Variants in CNOT3 observed in about 807,000 individuals in gnomAD.
CNOT3 encodes the protein CCR4-associated factor 3.
A neutral mutation model predicts 89.4 loss-of-function variants in CNOT3; 2 were observed. That is an observed-to-expected ratio of 0.02 (90% CI 0.01 to 0.07). The LOEUF (loss-of-function observed/expected upper bound fraction) is 0.07. Among genes scored for constraint, CNOT3 ranks in the 10% least tolerant of loss-of-function variants. The probability of loss-of-function intolerance (pLI) is 1.00; values close to 1 mark genes in which losing one functional copy is unlikely to be tolerated. For missense variants in CNOT3, 664 were observed against 1,010.2 expected, an observed-to-expected ratio of 0.66 and a Z score of 4.65; for synonymous variants, 486 against 402.0, an observed-to-expected ratio of 1.21 and a Z score of -2.50.
rs2074562039 is a variant in CNOT3 at position 54,144,134 on chromosome 19, G to A, written c.387G>A (p.Thr129=). The A allele has an allele frequency of 6.2e-7, 1 of 1,605,658 alleles. No individual in the cohort carries two copies. The highest frequency in any genetic ancestry group is 8.5e-7 in the Non-Finnish European group (1 of 1,175,354). The change falls in exon 6 of 18, where the codon ACG becomes ACA. Residue 129 remains threonine, a splice_region_variant and synonymous_variant. Coordinates refer to ENST00000221232, the MANE Select transcript of CNOT3 (RefSeq NM_014516.4). This position sits in a 1 kb window ranked among gnomAD's most constrained non-coding sequence, Gnocchi z 4.8. ...AGGAAGAGGTTGGCCAGTGGCTCACGGTGAGTTGGGGTAGAGAAGAGGAGG... is the reference window on the plus strand; with the variant it reads ...AGGAAGAGGTTGGCCAGTGGCTCACAGTGAGTTGGGGTAGAGAAGAGGAGG... ...KEKEEVGQWL[T]NTIDTLNMQV...
intron 13 of CNOT3, among the ~76,000 whole-genome samples, chr19:54,151,744 C>T (rs1366297255): frequency 3.3e-5 from 5 of 152,252 alleles, no homozygotes; most frequent in African/African-American, 4.8e-5. Flanking sequence ...GAAGCCTAGC[C>T]GGGCTGGGCC....
chr19:54,149,369 C>A (rs1254145806), intron 12 of CNOT3, among the ~76,000 whole-genome samples, 191 bp from the exon 13 acceptor site: 1 of 152,176 alleles, frequency 6.6e-6, no homozygotes, highest in Non-Finnish European at 1.5e-5. Context: ...TGATGAGAAA[C>A]CATTCCAAAG....
chr19:54,149,545 A>G lies in CNOT3; in HGVS notation c.1407-15A>G. The G allele has an allele frequency of 6.5e-7, 1 of 1,531,360 alleles. No homozygotes were observed. Among genetic ancestry groups the G allele is most frequent in the Non-Finnish European group, 8.8e-7 (1 of 1,134,532 alleles). 94.9% of individuals were successfully genotyped at this position (1,531,360 alleles called of 1,614,324 possible). On this transcript the variant is annotated splice_polypyrimidine_tract_variant and intron_variant, in intron 12 of 17. Transcript: ENST00000221232. Reference sequence around the variant, plus strand: ...GACCCTCCTCTCAACCCCCTCTTCCATGCTCTCTCTCCAGGAAGGAACCCA... The same window carrying G: ...GACCCTCCTCTCAACCCCCTCTTCCGTGCTCTCTCTCCAGGAAGGAACCCA...
chr19:54,148,881 C>T lies in CNOT3; in HGVS notation c.1406+138C>T. 1 of 726,796 alleles carries T rather than the reference C, an allele frequency of 1.4e-6. No homozygotes were observed. Among genetic ancestry groups the T allele is most frequent in the South Asian group, 1.9e-5 (1 of 52,976 alleles). 45.0% of individuals were successfully genotyped at this position (726,796 alleles called of 1,614,324 possible). On this transcript the variant is annotated intron_variant, in intron 12 of 17. Coordinates refer to ENST00000221232, the MANE Select transcript of CNOT3 (RefSeq NM_014516.4). The surrounding 1 kb of genome is among the most constrained non-coding windows in gnomAD (Gnocchi z 6.3). ...AATGGCCAAGCGCTATCCTCCATCT[C>T]CCTCGGGTGTTACACCCCCACTTCT...
intron 10 of CNOT3, 50 bp downstream of exon 10, chr19:54,146,707 T>C (rs1218338776): frequency 2.0e-6 from 2 of 1,007,398 alleles, no homozygotes; most frequent in South Asian, 1.3e-5. Flanking sequence ...CCTCTGTTGC[T>C]TCCCAAAGGC....
rs747615858 is a variant in CNOT3, at chr19:54,153,123, C to A, written c.2037+124C>A. ...CGGCCACTGGGACCGCACCCCCTCC[C>A]TATTCCCACTCCTGGGCCCCTGCCC... On this transcript the variant is annotated intron_variant, in intron 16 of 17. Coordinates refer to ENST00000221232, the MANE Select transcript of CNOT3 (RefSeq NM_014516.4). 3.8e-6 allele frequency: 3 copies of A among 796,388 alleles called. No homozygotes were observed. In the African/African-American group the frequency reaches 5.0e-5, roughly 13 times the overall value. The allele number at this position is 796,388 out of a possible 1,614,324, so 49.3% of individuals were successfully genotyped here.
At position 54,137,973 on chromosome 19, in the gene CNOT3, G is replaced by T. The variant is rs2074283410; in HGVS notation, c.-71G>T. ...CCCGCCTGTCGCGATACGCTCCTCA[G>T]CGGCGGCGCCAGCTCCTGTGGTGAG... On this transcript the variant is annotated 5_prime_UTR_variant, in exon 1 of 18. Transcript: ENST00000221232. 6.6e-6 allele frequency: 1 copy of T among 152,092 alleles called. No homozygotes were observed. The highest frequency in any genetic ancestry group is 2.1e-4 in the South Asian group (1 of 4,838). The allele number at this position is 152,092 out of a possible 1,614,324, so 9.4% of individuals were successfully genotyped here. A position where few individuals can be genotyped will look rare whatever the true frequency, so the allele number is the denominator to read the frequency against.
Position 54,144,164 on chromosome 19 carries a change from C to T in CNOT3, c.387+30C>T, listed in dbSNP as rs2074563177. On this transcript the variant is annotated intron_variant, in intron 6 of 17. Transcript: ENST00000221232. The surrounding 1 kb of genome is among the most constrained non-coding windows in gnomAD (Gnocchi z 4.8). ...GTTGGGGTAGAGAAGAGGAGGTGAA[C>T]TCTGAGGATCCTGAGCCCTGGGTGT... The T allele has an allele frequency of 6.2e-7, 1 of 1,609,212 alleles. No individual in the cohort carries two copies. The highest frequency in any genetic ancestry group is 1.7e-5 in the Admixed American group (1 of 59,620).
intron 15 of CNOT3, 38 bp downstream of exon 15, chr19:54,152,664 G>C (rs771099617): frequency 2.2e-5 from 34 of 1,519,790 alleles, no homozygotes; most frequent in Admixed American, 2.2e-4. Flanking sequence ...TCTGGGACTT[G>C]AGTCTTACGG....
Position 54,150,935 on chromosome 19 carries a change from C to T in CNOT3, c.1605+1177C>T, listed in dbSNP as rs587720887. ...CCTACTGAGTAGCTGGGATTACAGG[C>T]GCCTGCCACCACGCCAGGCTAATTT... On this transcript the variant is annotated intron_variant, in intron 13 of 17. Coordinates refer to ENST00000221232, the MANE Select transcript of CNOT3 (RefSeq NM_014516.4). 9.9e-5 allele frequency among the ~76,000 whole-genome samples: 15 copies of T among 152,106 alleles called. No homozygotes were observed. The South Asian group carries it at 1.0e-3, about 11-fold the overall frequency.
At chr19:54,147,233 C>T (rs587744198) in intron 10 of CNOT3, among the ~76,000 whole-genome samples, 9 of 152,368 alleles carry the variant, frequency 5.9e-5, no homozygotes, top group African/African-American at 9.6e-5. Flanking sequence ...AGCACGCTTT[C>T]GGAAACGCTG....
At position 54,144,361 on chromosome 19, in the gene CNOT3, GATGGGGATGGGC is replaced by G. The variant is rs763473691; in HGVS notation, c.483+35_483+46del. ...AGTGAGGGAGACCCGACACCTTTGG[GATGGGGATGGGC>G]ATGGGAATGGGCTGGCCAGCAGGAG... On this transcript the variant is annotated intron_variant, in intron 7 of 17. Coordinates refer to ENST00000221232, the MANE Select transcript of CNOT3 (RefSeq NM_014516.4). This position sits in a 1 kb window ranked among gnomAD's most constrained non-coding sequence, Gnocchi z 4.8. 1.9e-6 allele frequency: 3 copies of G among 1,542,188 alleles called. No individual in the cohort carries two copies. The highest frequency in any genetic ancestry group is 2.2e-5 in the East Asian group (1 of 44,520).
chr19:54,149,065 G>GT (rs1380091592), intron 12 of CNOT3, among the ~76,000 whole-genome samples: 1 of 152,224 alleles, frequency 6.6e-6, no homozygotes, highest in South Asian at 2.1e-4. Flanking sequence ...GAGGGTCACT[G>GT]TTTCACTTTT....
chr19:54,149,632 A>T lies in CNOT3; in HGVS notation c.1479A>T (p.Gly493=). ...CAGGCTCAGGGAACAACTCAGGGGG[A>T]CCCAGCCTCCTGGTGCCACTGCCTG... ...VAPGSGNNSG[G]PSLLVPLPVN... is the part of the protein sequence containing the mutation. Residue 493 remains glycine, a synonymous_variant, in exon 13 of 18, where the codon GGA becomes GGT. Coordinates refer to ENST00000221232, the MANE Select transcript of CNOT3 (RefSeq NM_014516.4). 6.2e-7 allele frequency: 1 copy of T among 1,613,526 alleles called. No homozygotes were observed.
chr19:54,155,282 T>C, intron 17 of CNOT3, 27 bp from the exon 18 acceptor site: 1 of 1,611,556 alleles, frequency 6.2e-7, no homozygotes, highest in South Asian at 1.1e-5. Flanking sequence ...CCTCGTCCAC[T>C]CACTGACCGC....
chr19:54,146,058 G>C lies in CNOT3; in HGVS notation c.837+15G>C. Reference sequence around the variant, plus strand: ...ACTGTACCACGGTGAGGCCCCACGGGACACTAGTACCTTGTGTTTCCAGCA... The same window carrying C: ...ACTGTACCACGGTGAGGCCCCACGGCACACTAGTACCTTGTGTTTCCAGCA... On this transcript the variant is annotated intron_variant, in intron 9 of 17. Coordinates refer to ENST00000221232, the MANE Select transcript of CNOT3 (RefSeq NM_014516.4). The C allele has an allele frequency of 6.2e-7, 1 of 1,611,844 alleles. No homozygotes were observed. The highest frequency in any genetic ancestry group is 8.5e-7 in the Non-Finnish European group (1 of 1,179,350).
Position 54,145,501 on chromosome 19 carries a change from C to T in CNOT3, c.484-97C>T. On this transcript the variant is annotated intron_variant, in intron 7 of 17. Transcript: ENST00000221232. The surrounding 1 kb of genome is among the most constrained non-coding windows in gnomAD (Gnocchi z 5.9). ...GGGATGGCGTGGAGGCTTTGGGTCT[C>T]CACAGGGGTCAGGGACTGAGGACAG... 1 of 841,374 alleles carries T rather than the reference C, an allele frequency of 1.2e-6. No homozygotes were observed. Among genetic ancestry groups the T allele is most frequent in the Non-Finnish European group, 2.0e-6 (1 of 506,138 alleles). The allele number at this position is 841,374 out of a possible 1,614,324, so 52.1% of individuals were successfully genotyped here. A position where few individuals can be genotyped will look rare whatever the true frequency, so the allele number is the denominator to read the frequency against.
intron 17 of CNOT3, chr19:54,154,341 A>C: frequency 3.7e-6 from 1 of 271,696 alleles, no homozygotes; most frequent in Non-Finnish European, 7.5e-6. Context: ...CTCTGGAACC[A>C]ACCTACCTGG....
chr19:54,155,018 C>A (rs183553313), intron 17 of CNOT3: 7 of 491,256 alleles, frequency 1.4e-5, no homozygotes, highest in Non-Finnish European at 2.2e-5. Flanking sequence ...CCACAGCCCT[C>A]GAGGAAACGA....
Sources: allele counts gnomAD v4.1 joint callset (sites outside exome capture counted in the v4.1 genomes callset), GRCh38; gene constraint gnomAD v4.1.1; non-coding constraint Gnocchi (gnomAD v3.1); transcripts MANE v1.5; gene names NCBI Gene and HGNC (gene_info 2026-07-23, HGNC 2026-07-21).